COBLL1: variants seen among roughly 807,000 people sequenced by gnomAD.
COBLL1 encodes cordon-bleu protein-like 1.
COBLL1 carries 50 observed loss-of-function variants against 94.8 expected under a neutral mutation model. That is an observed-to-expected ratio of 0.53 (90% confidence interval 0.42 to 0.67). The LOEUF (loss-of-function observed/expected upper bound fraction) is 0.67, where lower values mean the gene tolerates loss of function less well. COBLL1 is among the 30% of genes least tolerant of loss of function. The pLI is 0.00. For missense variants in COBLL1, 1,362 were observed against 1,348.7 expected (o/e 1.01, Z -0.15); for synonymous variants, 448 against 473.8 (o/e 0.95, Z 0.71).
chr2:164,701,056 C>T (rs1321070040), intron 9 of COBLL1, among the ~76,000 whole-genome samples: 1 of 152,046 alleles, frequency 6.6e-6, no homozygotes. Context: ...AAATGTCTTA[C>T]AATTGAATGG....
At position 164,841,445 on chromosome 2, in the gene COBLL1, G is replaced by C. The variant is rs1049336429; in HGVS notation, c.-50-199C>G. ...CTCTACAAGGTCTAGCGGGCGCCCA[G>C]AGCACGGCGGAGGAGGCGGTGGCGC... On this transcript the variant is annotated intron_variant, in intron 1 of 13. Transcript: ENST00000652658. This position sits in a 1 kb window ranked among gnomAD's most constrained non-coding sequence, Gnocchi z 5.5. 1.0e-5 allele frequency: 12 copies of C among 1,150,404 alleles called. No homozygotes were observed. Among genetic ancestry groups the C allele is most frequent in the Non-Finnish European group, 1.3e-5 (12 of 936,444 alleles). 71.3% of individuals were successfully genotyped at this position (1,150,404 alleles called of 1,614,324 possible). A position where few individuals can be genotyped will look rare whatever the true frequency, so the allele number is the denominator to read the frequency against.
At chr2:164,754,564 A>C (rs1407313024) in intron 2 of COBLL1, among the ~76,000 whole-genome samples, 1 of 152,132 alleles carries the variant, frequency 6.6e-6, no homozygotes, top group African/African-American at 2.4e-5. Context: ...CTACACCTTG[A>C]CTGCAGTCTC....
At chr2:164,753,962 T>C (rs1687264644) in intron 2 of COBLL1, among the ~76,000 whole-genome samples, 2 of 151,880 alleles carry the variant, frequency 1.3e-5, no homozygotes, top group Non-Finnish European at 2.9e-5. Flanking sequence ...TGAACTCCTA[T>C]CCTCAAATGA....
At chr2:164,754,898 G>A (rs577951905) in intron 2 of COBLL1, among the ~76,000 whole-genome samples, 48 of 152,162 alleles carry the variant, frequency 3.2e-4, no homozygotes, top group Non-Finnish European at 5.7e-4. Flanking sequence ...TTCCGGCTGG[G>A]TGCAGTGGCC....
At chr2:164,795,622 T>A (rs1490726021) in intron 2 of COBLL1, among the ~76,000 whole-genome samples, 1 of 152,154 alleles carries the variant, frequency 6.6e-6, no homozygotes, top group Non-Finnish European at 1.5e-5. Flanking sequence ...GTATTTTTTT[T>A]AATCATACAG....
In COBLL1 at chr2:164,695,366, G is replaced by C. The variant is rs1238359340; in HGVS notation, c.2026C>G (p.Pro676Ala). The C allele has an allele frequency of 6.2e-7, 1 of 1,613,934 alleles. No individual in the cohort carries two copies. Among genetic ancestry groups the C allele is most frequent in the Non-Finnish European group, 8.5e-7 (1 of 1,179,934 alleles). ...TCATCATTACCATGTGCACAAATTGGATCTTTTACGGTAAGCGGATCTTCT... is the reference window on the plus strand; with the variant it reads ...TCATCATTACCATGTGCACAAATTGCATCTTTTACGGTAAGCGGATCTTCT... Reference protein sequence around the residue: ...HSEDPLTVKDPICAHGNDDLL... With the variant: ...HSEDPLTVKDAICAHGNDDLL... Residue 676 changes from proline (P) to alanine (A), a missense_variant, in exon 12 of 14, where the codon CCA becomes GCA. By Grantham distance (27) the Pro-to-Ala change is conservative. Transcript: ENST00000652658.
Position 164,680,664 on chromosome 2 carries a change from A to G in COBLL1, c.*5282T>C, listed in dbSNP as rs2105394338. ...GCACAGTTGCCAGATTTAGCTAAGA[A>G]AAATACAGGATGCCTAGTTAGCTTG... On this transcript the variant is annotated 3_prime_UTR_variant, in exon 14 of 14. Transcript: ENST00000652658. The G allele has an allele frequency of 6.6e-6, 1 of 152,314 alleles. No individual in the cohort carries two copies. Among genetic ancestry groups the G allele is most frequent in the East Asian group, 1.9e-4 (1 of 5,176 alleles). The allele number at this position is 152,314 out of a possible 1,614,324, so 9.4% of individuals were successfully genotyped here.
At position 164,803,125 on chromosome 2, in the gene COBLL1, C is replaced by G. The variant is rs142807444; in HGVS notation, c.41+38031G>C. 4.0e-3 allele frequency among the ~76,000 whole-genome samples: 608 copies of G among 152,250 alleles called. 3 individuals carry two copies. The highest frequency in any genetic ancestry group is 0.014 in the African/African-American group (582 of 41,540). On this transcript the variant is annotated intron_variant, in intron 2 of 13. Transcript: ENST00000652658. ...TGTAAACTTGGTCAAAGGATAAGAA[C>G]CAAAATATTTGGAGAATGTTAGAAA... is the stretch of plus-strand genomic sequence containing the variant.
chr2:164,752,054 A>C (rs1417625354), intron 2 of COBLL1, among the ~76,000 whole-genome samples: 2 of 152,202 alleles, frequency 1.3e-5, no homozygotes, highest in East Asian at 3.8e-4. Context: ...AGGCAGTGGC[A>C]TATTCACATC....
intron 2 of COBLL1, among the ~76,000 whole-genome samples, chr2:164,784,106 TGTCATCTTCTCAGGCTTC>T (rs1688835201): frequency 6.6e-6 from 1 of 152,200 alleles, no homozygotes; most frequent in South Asian, 2.1e-4. Context: ...AGTAGACCAC[TGTCATCTTCTCAGGCTTC>T]CTTTCTCTCT....
intron 2 of COBLL1, among the ~76,000 whole-genome samples, chr2:164,832,975 G>T (rs911685936): frequency 2.0e-5 from 3 of 151,860 alleles, no homozygotes; most frequent in Non-Finnish European, 2.9e-5. Flanking sequence ...ACCGGGAGAG[G>T]GAGGTTGTGG....
At chr2:164,704,359 CA>C (rs1684470539) in intron 9 of COBLL1, 84 bp downstream of exon 9, 1 of 905,436 alleles carries the variant, frequency 1.1e-6, no homozygotes, top group Non-Finnish European at 1.8e-6. Context: ...CTTTCATGTA[CA>C]AAGCATCGCA....
chr2:164,668,160 C>T (rs993982743), intron 1 of COBLL1, among the ~76,000 whole-genome samples: 3 of 152,070 alleles, frequency 2.0e-5, no homozygotes, highest in African/African-American at 7.2e-5. Flanking sequence ...GGTGGGGTTT[C>T]ACCATGTTGG....
intron 2 of COBLL1, among the ~76,000 whole-genome samples, chr2:164,831,973 T>G (rs894266823): frequency 1.3e-5 from 2 of 152,200 alleles, no homozygotes; most frequent in Middle Eastern, 3.2e-3. Context: ...GGTCTGGGAA[T>G]GGTAGGATAG....
At chr2:164,759,186 CGTTGA>C (rs1475958690) in intron 2 of COBLL1, among the ~76,000 whole-genome samples, 2 of 152,156 alleles carry the variant, frequency 1.3e-5, no homozygotes, top group African/African-American at 4.8e-5. Context: ...TATTAAACAT[CGTTGA>C]GTTATCAGAC....
intron 2 of COBLL1, among the ~76,000 whole-genome samples, chr2:164,807,614 TAC>T (rs1684242452): frequency 6.6e-6 from 1 of 152,146 alleles, no homozygotes. Context: ...GTAAATACAG[TAC>T]AGATACTTAT....
chr2:164,805,364 A>ATTTATATATATATATAT (rs1253271541), intron 2 of COBLL1, among the ~76,000 whole-genome samples: 1 of 41,066 alleles, frequency 2.4e-5, no homozygotes, highest in Admixed American at 3.4e-4. Context: ...TATATATATA[A>ATTTATATATATATATAT]AACTAAAGTT....
At chr2:164,697,231 A>C (rs1295875561) in intron 11 of COBLL1, 1 of 152,118 alleles carries the variant, frequency 6.6e-6, no homozygotes, top group Admixed American at 6.6e-5. Flanking sequence ...TAAACATGTA[A>C]TTTTAAAATG....
At chr2:164,838,255 G>A (rs1474840989) in intron 2 of COBLL1, among the ~76,000 whole-genome samples, 1 of 152,168 alleles carries the variant, frequency 6.6e-6, no homozygotes. Flanking sequence ...TTAAATGTGT[G>A]AAGGCACCAA....
Sources: allele counts gnomAD v4.1 joint callset (sites outside exome capture counted in the v4.1 genomes callset), GRCh38; gene constraint gnomAD v4.1.1; non-coding constraint Gnocchi (gnomAD v3.1); transcripts MANE v1.5; gene names NCBI Gene and HGNC (gene_info 2026-07-23, HGNC 2026-07-21).